Variants in DAB1 observed in about 807,000 individuals in gnomAD.
The protein encoded by DAB1 is DAB adaptor protein 1.
A neutral mutation model predicts 64.6 loss-of-function variants in DAB1; 15 were observed. That is an observed-to-expected ratio of 0.23 (90% CI 0.16 to 0.36). The LOEUF (loss-of-function observed/expected upper bound fraction) is 0.36, where lower values mean the gene tolerates loss of function less well. Ranked by LOEUF, DAB1 falls within the 10% of genes least tolerant of loss-of-function variation. The probability of loss-of-function intolerance (pLI) is 1.00; values close to 1 mark genes in which losing one functional copy is unlikely to be tolerated. For missense variants in DAB1, 596 were observed against 706.7 expected, an observed-to-expected ratio of 0.84 and a Z score of 1.78; for synonymous variants, 235 against 251.9, an observed-to-expected ratio of 0.93 and a Z score of 0.64.
At chr1:57,670,215 G>A (rs1646494711) in intron 6 of DAB1, among the ~76,000 whole-genome samples, 1 of 152,122 alleles carries the variant, frequency 6.6e-6, no homozygotes, top group South Asian at 2.1e-4. Flanking sequence ...TTGCAATAAT[G>A]TTGTTAGGTA....
At chr1:57,071,975 T>C (rs567284537) in intron 5 of DAB1, among the ~76,000 whole-genome samples, 2 of 151,364 alleles carry the variant, frequency 1.3e-5, no homozygotes, top group South Asian at 2.1e-4. Flanking sequence ...AATGAGGCTA[T>C]GAACGCAAGG....
intron 7 of DAB1, among the ~76,000 whole-genome samples, chr1:57,614,908 T>C (rs1348902784): frequency 2.2e-5 from 3 of 135,952 alleles, no homozygotes; most frequent in Admixed American, 1.8e-4. Flanking sequence ...TCTCGCTCTG[T>C]CGCCCAGGCT....
chr1:57,349,532 C>T (rs945338445), intron 1 of DAB1, among the ~76,000 whole-genome samples: 7 of 152,142 alleles, frequency 4.6e-5, no homozygotes, highest in African/African-American at 1.7e-4. Flanking sequence ...AGCTCTCTGA[C>T]GAAGGTCATC....
intron 4 of DAB1, among the ~76,000 whole-genome samples, chr1:57,134,651 T>C (rs957161128): frequency 1.3e-5 from 2 of 152,016 alleles, no homozygotes; most frequent in African/African-American, 4.8e-5. Flanking sequence ...AACCTGCACA[T>C]GTACCCCTGA....
intron 5 of DAB1, among the ~76,000 whole-genome samples, chr1:57,952,309 T>C (rs1467656093): frequency 2.0e-5 from 3 of 152,078 alleles, no homozygotes; most frequent in African/African-American, 4.8e-5. Flanking sequence ...CAATGGGGGA[T>C]GATGAAGCAA....
At chr1:57,914,504 T>C (rs1329379628) in intron 5 of DAB1, among the ~76,000 whole-genome samples, 1 of 152,000 alleles carries the variant, frequency 6.6e-6, no homozygotes, top group Non-Finnish European at 1.5e-5. Flanking sequence ...CACACCAACA[T>C]GGCACATGTA....
At chr1:57,302,639 T>G (rs201121841) in intron 1 of DAB1, among the ~76,000 whole-genome samples, 3 of 152,134 alleles carry the variant, frequency 2.0e-5, no homozygotes, top group East Asian at 1.9e-4. Context: ...AGTCTCACTC[T>G]GTTGCCCAGG....
intron 4 of DAB1, among the ~76,000 whole-genome samples, chr1:58,289,773 C>A (rs991642608): frequency 6.6e-6 from 1 of 152,196 alleles, no homozygotes; most frequent in African/African-American, 2.4e-5. Flanking sequence ...GGATCTTATT[C>A]ATGGCTTGTG....
intron 8 of DAB1, among the ~76,000 whole-genome samples, chr1:57,063,175 T>C (rs761706434): frequency 6.6e-6 from 1 of 152,082 alleles, no homozygotes; most frequent in Non-Finnish European, 1.5e-5. Flanking sequence ...ATAGGTCGTC[T>C]CTGCCATTGG....
At chr1:58,114,988 G>A (rs1320350549) in intron 5 of DAB1, among the ~76,000 whole-genome samples, 2 of 151,894 alleles carry the variant, frequency 1.3e-5, no homozygotes, top group East Asian at 3.9e-4. Context: ...TTGACAAATG[G>A]GATCTAATTA....
intron 5 of DAB1, among the ~76,000 whole-genome samples, chr1:57,915,965 T>C (rs1007813546): frequency 2.0e-5 from 3 of 152,178 alleles, no homozygotes; most frequent in Non-Finnish European, 4.4e-5. Context: ...GTCCCTAAAA[T>C]AGGGCCCAAC....
chr1:58,027,909 T>A (rs1646917366), intron 5 of DAB1, among the ~76,000 whole-genome samples: 1 of 152,228 alleles, frequency 6.6e-6, no homozygotes, highest in Admixed American at 6.5e-5. Flanking sequence ...CTATGTGGAA[T>A]TCCTCCTAGA....
rs142373696 is a variant in DAB1, at chr1:58,233,442, T to C, written n.310-82854A>G. Reference sequence around the variant, plus strand: ...TCCCCAGGGCCCTCCGATCACCATATGGAGCCCCTTTGGAGTGCTGTCTAC... The same window carrying C: ...TCCCCAGGGCCCTCCGATCACCATACGGAGCCCCTTTGGAGTGCTGTCTAC... On this transcript the variant is annotated intron_variant and non_coding_transcript_variant, in intron 4 of 20. Transcript: ENST00000485760. Among the ~76,000 whole-genome samples, 14 of 152,278 alleles carry C rather than the reference T, an allele frequency of 9.2e-5. No homozygotes were observed. In the East Asian group the frequency reaches 2.7e-3, roughly 29 times the overall value.
At chr1:57,222,270 T>TACAA (rs1666939417) in intron 2 of DAB1, among the ~76,000 whole-genome samples, 1 of 152,140 alleles carries the variant, frequency 6.6e-6, no homozygotes. Context: ...TCCTTCAAAA[T>TACAA]ACATGAACAG....
intron 3 of DAB1, among the ~76,000 whole-genome samples, chr1:58,448,594 G>T (rs1645097805): frequency 6.6e-6 from 1 of 152,198 alleles, no homozygotes; most frequent in African/African-American, 2.4e-5. Context: ...GTTTGCAGGT[G>T]AAGGAGCTCC....
At chr1:57,623,120 G>T (rs578056831) in intron 7 of DAB1, among the ~76,000 whole-genome samples, 1 of 152,166 alleles carries the variant, frequency 6.6e-6, no homozygotes, top group South Asian at 2.1e-4. Context: ...TTTGAAATCC[G>T]TGTTGGCATG....
intron 5 of DAB1, among the ~76,000 whole-genome samples, chr1:58,114,951 C>T (rs1167301694): frequency 3.3e-5 from 5 of 152,048 alleles, no homozygotes; most frequent in Non-Finnish European, 7.3e-5. Context: ...TAAATTACTC[C>T]AAAAGCAATG....
chr1:58,473,415 G>A (rs1222685125), intron 3 of DAB1, among the ~76,000 whole-genome samples: 44 of 152,038 alleles, frequency 2.9e-4, no homozygotes, highest in African/African-American at 7.2e-4. Context: ...GGTGGCGGGC[G>A]CCTGTAGTCC....
chr1:57,016,816 T>C (rs994317972), intron 11 of DAB1, among the ~76,000 whole-genome samples: 8 of 152,188 alleles, frequency 5.3e-5, no homozygotes, highest in African/African-American at 1.9e-4. Context: ...GCTCCACTTA[T>C]TAAATGCCTA....
Sources: gnomAD v4.1 joint callset for allele counts (sites outside exome capture counted in the v4.1 genomes callset) on GRCh38, gnomAD v4.1.1 for gene constraint, MANE v1.5 for transcripts, NCBI Gene and HGNC (gene_info 2026-07-23, HGNC 2026-07-21) for gene names.